DOCK3: variants seen among roughly 807,000 people sequenced by gnomAD.
DOCK3 encodes the protein dedicator of cytokinesis protein 3.
Under a neutral mutation model 265.6 loss-of-function variants are expected in DOCK3, and 60 were observed. That is an observed-to-expected ratio of 0.23 (90% confidence interval 0.18 to 0.28). DOCK3 has a LOEUF of 0.28. Among genes scored for constraint, DOCK3 ranks in the 10% least tolerant of loss-of-function variants. The probability of loss-of-function intolerance (pLI) is 1.00; values close to 1 mark genes in which losing one functional copy is unlikely to be tolerated. For missense variants in DOCK3, 1,981 were observed against 2,594.3 expected (o/e 0.76, Z 5.14); for synonymous variants, 881 against 938.0 (o/e 0.94, Z 1.11).
At chr3:50,892,084 C>T (rs185809867) in intron 4 of DOCK3, among the ~76,000 whole-genome samples, 4 of 152,178 alleles carry the variant, frequency 2.6e-5, no homozygotes, top group Admixed American at 1.3e-4. Context: ...ATTCTAAAAT[C>T]TGGAGAAAAT....
At chr3:51,151,092 T>TTAAA (rs2107378600) in intron 10 of DOCK3, among the ~76,000 whole-genome samples, 1 of 152,322 alleles carries the variant, frequency 6.6e-6, no homozygotes, top group Admixed American at 6.5e-5. Context: ...TGATCTTTAT[T>TTAAA]GGCTTAAAGT....
chr3:51,357,710 GT>G (rs752446530), intron 44 of DOCK3, 47 bp from the exon 45 acceptor site: 1 of 1,601,606 alleles, frequency 6.2e-7, no homozygotes, highest in African/African-American at 1.3e-5. Context: ...CCCCACTTAA[GT>G]AGTAGTCCTG....
Position 51,253,485 on chromosome 3 carries a change from G to A in DOCK3, c.2185-6671G>A, listed in dbSNP as rs532461846. On this transcript the variant is annotated intron_variant, in intron 22 of 52. Transcript: ENST00000266037. ...TCTGGTAGAATTCGGCTGTGAATAC[G>A]TCTAGTCCTGGACTTTTTTTGGTTG... is the stretch of plus-strand genomic sequence containing the variant. Among the ~76,000 whole-genome samples the A allele has an allele frequency of 4.6e-5, 7 of 152,130 alleles. No individual in the cohort carries two copies. The East Asian group carries it at 5.8e-4, about 13-fold the overall frequency.
At chr3:51,095,875 A>G (rs1313907737) in intron 9 of DOCK3, among the ~76,000 whole-genome samples, 1 of 141,676 alleles carries the variant, frequency 7.1e-6, no homozygotes. Flanking sequence ...AAAAAAAAAA[A>G]AGAATGTTGA....
At chr3:51,235,612 C>T (rs2078320173) in intron 19 of DOCK3, among the ~76,000 whole-genome samples, 1 of 152,190 alleles carries the variant, frequency 6.6e-6, no homozygotes, top group South Asian at 2.1e-4. Flanking sequence ...CTATCTACAC[C>T]TTCTACCTCA....
At chr3:51,354,346 G>C (rs1055552429) in intron 40 of DOCK3, among the ~76,000 whole-genome samples, 3 of 151,916 alleles carry the variant, frequency 2.0e-5, no homozygotes, top group African/African-American at 7.3e-5. Context: ...GCATATGGCT[G>C]GCCCTGTGAT....
intron 35 of DOCK3, among the ~76,000 whole-genome samples, chr3:51,336,155 G>A (rs956172182): frequency 1.3e-5 from 2 of 152,100 alleles, no homozygotes; most frequent in African/African-American, 4.8e-5. Flanking sequence ...ACCTGAACCT[G>A]TTATGTAAGA....
intron 3 of DOCK3, among the ~76,000 whole-genome samples, chr3:50,870,071 G>A (rs2047363134): frequency 6.6e-6 from 1 of 152,154 alleles, no homozygotes; most frequent in Non-Finnish European, 1.5e-5. Context: ...TGCTGAGGAA[G>A]AGAATGTATA....
chr3:51,266,681 A>C (rs1352811612), intron 23 of DOCK3, among the ~76,000 whole-genome samples: 1 of 152,208 alleles, frequency 6.6e-6, no homozygotes, highest in African/African-American at 2.4e-5. Flanking sequence ...TTAACTCAAG[A>C]TGTATTAAAG....
chr3:51,013,875 A>G (rs2079047338), intron 5 of DOCK3, among the ~76,000 whole-genome samples: 1 of 152,154 alleles, frequency 6.6e-6, no homozygotes, highest in Non-Finnish European at 1.5e-5. Context: ...AGCCTCAGCA[A>G]TGGCGGACGC....
intron 23 of DOCK3, among the ~76,000 whole-genome samples, chr3:51,264,570 G>A (rs1248901289): frequency 6.6e-6 from 1 of 152,116 alleles, no homozygotes; most frequent in Non-Finnish European, 1.5e-5. Context: ...GCTCACACCT[G>A]TAATCCCAGC....
chr3:51,181,557 T>C (rs942886522), intron 12 of DOCK3, among the ~76,000 whole-genome samples: 2 of 152,154 alleles, frequency 1.3e-5, no homozygotes, highest in Non-Finnish European at 2.9e-5. Flanking sequence ...TTAATGTATT[T>C]CCTTTTAACT....
chr3:50,752,423 C>A (rs573112877), intron 1 of DOCK3, among the ~76,000 whole-genome samples: 34 of 151,744 alleles, frequency 2.2e-4, no homozygotes, highest in African/African-American at 8.2e-4. Flanking sequence ...GCAGGAGAAT[C>A]ATTTGAATCC....
intron 10 of DOCK3, among the ~76,000 whole-genome samples, chr3:51,147,330 A>T (rs1401904213): frequency 6.6e-6 from 1 of 152,110 alleles, no homozygotes; most frequent in Non-Finnish European, 1.5e-5. Context: ...ATTTTTTCCT[A>T]CTGTGATCTG....
At chr3:51,019,653 G>A (rs1332515474) in intron 5 of DOCK3, among the ~76,000 whole-genome samples, 2 of 151,772 alleles carry the variant, frequency 1.3e-5, no homozygotes, top group Non-Finnish European at 2.9e-5. Context: ...GCCCCAGTGT[G>A]TGTTGTTCCC....
chr3:51,060,018 G>A (rs998867712), intron 5 of DOCK3, among the ~76,000 whole-genome samples: 5 of 151,922 alleles, frequency 3.3e-5, no homozygotes, highest in African/African-American at 1.2e-4. Context: ...TCTGCTTTTA[G>A]TTACTGCAGA....
intron 2 of DOCK3, among the ~76,000 whole-genome samples, chr3:50,782,322 G>A (rs1172874501): frequency 8.7e-6 from 1 of 115,478 alleles, no homozygotes; most frequent in Non-Finnish European, 1.7e-5. Flanking sequence ...ACGGAGTCTC[G>A]CTCTGTCGCC....
intron 1 of DOCK3, among the ~76,000 whole-genome samples, chr3:50,760,705 G>A (rs758890600): frequency 6.6e-6 from 1 of 151,998 alleles, no homozygotes; most frequent in Non-Finnish European, 1.5e-5. Context: ...GTTGTTAGTC[G>A]AGGAGCATCT....
At chr3:51,280,028 C>A in intron 26 of DOCK3, 78 bp from the exon 27 acceptor site, 1 of 1,188,236 alleles carries the variant, frequency 8.4e-7, no homozygotes, top group Non-Finnish European at 1.2e-6. Flanking sequence ...CCTCCCTTCT[C>A]TCCTTGCCCT....
Sources: allele counts gnomAD v4.1 joint callset (sites outside exome capture counted in the v4.1 genomes callset), GRCh38; gene constraint gnomAD v4.1.1; transcripts MANE v1.5; gene names NCBI Gene and HGNC (gene_info 2026-07-23, HGNC 2026-07-21).